Variants in BMP6 observed in about 807,000 individuals in gnomAD.
BMP6 encodes the protein bone morphogenetic protein 6.
Under a neutral mutation model 54.1 loss-of-function variants are expected in BMP6, and 17 were observed. The observed-to-expected ratio is 0.31, with a 90% CI of 0.22 to 0.47. The LOEUF (loss-of-function observed/expected upper bound fraction) is 0.47, where lower values mean the gene tolerates loss of function less well. BMP6 is among the 20% of genes least tolerant of loss of function. BMP6 has a pLI of 1.00. For missense variants in BMP6, 720 were observed against 690.4 expected, an observed-to-expected ratio of 1.04 and a Z score of -0.48; for synonymous variants, 328 against 291.2, an observed-to-expected ratio of 1.13 and a Z score of -1.28.
intron 1 of BMP6, among the ~76,000 whole-genome samples, chr6:7,761,599 A>C (rs1323025117): frequency 6.6e-6 from 1 of 152,200 alleles, no homozygotes; most frequent in East Asian, 1.9e-4. Context: ...AGACATGGCC[A>C]CTGACACAGC....
chr6:7,849,469 T>C (rs1258373986), intron 2 of BMP6, among the ~76,000 whole-genome samples: 1 of 152,184 alleles, frequency 6.6e-6, no homozygotes, highest in Non-Finnish European at 1.5e-5. Context: ...ACACCGGGAG[T>C]ATAGACTGCT....
chr6:7,875,319 C>G (rs542187901), intron 4 of BMP6, among the ~76,000 whole-genome samples: 1 of 152,324 alleles, frequency 6.6e-6, no homozygotes, highest in Admixed American at 6.5e-5. Context: ...GTCTATTTTA[C>G]TCAGTCTACT....
intron 1 of BMP6, among the ~76,000 whole-genome samples, chr6:7,748,387 C>T (rs1757375276): frequency 1.3e-5 from 2 of 152,142 alleles, no homozygotes; most frequent in Non-Finnish European, 2.9e-5. Flanking sequence ...CCATACCTGT[C>T]ATACTATTTC....
At chr6:7,874,315 G>A (rs1759572508) in intron 4 of BMP6, among the ~76,000 whole-genome samples, 2 of 152,192 alleles carry the variant, frequency 1.3e-5, no homozygotes, top group Non-Finnish European at 2.9e-5. Context: ...ACACATCACA[G>A]CCGCCACATG....
At chr6:7,792,114 T>A (rs1008023594) in intron 1 of BMP6, among the ~76,000 whole-genome samples, 1 of 152,098 alleles carries the variant, frequency 6.6e-6, no homozygotes, top group African/African-American at 2.4e-5. Context: ...CAATTCTGAA[T>A]CTGTAGGGCA....
At chr6:7,775,954 A>G (rs143038652) in intron 1 of BMP6, among the ~76,000 whole-genome samples, 1 of 152,378 alleles carries the variant, frequency 6.6e-6, no homozygotes, top group African/African-American at 2.4e-5. Flanking sequence ...TTACATTAGA[A>G]TGAAACAGCA....
At chr6:7,855,604 C>G (rs1315284344) in intron 2 of BMP6, among the ~76,000 whole-genome samples, 1 of 126,012 alleles carries the variant, frequency 7.9e-6, no homozygotes, top group African/African-American at 3.0e-5. Context: ...CTCTGTCGCT[C>G]AGGCTGGGGT....
chr6:7,862,397 T>C lies in BMP6; in HGVS notation c.1103T>C (p.Val368Ala), dbSNP rs1561794890. 3 of 1,614,068 alleles carry C rather than the reference T, an allele frequency of 1.9e-6. No individual in the cohort carries two copies. Among genetic ancestry groups the C allele is most frequent in the Non-Finnish European group, 1.7e-6 (2 of 1,179,996 alleles). ...GTGGCTTTCTTCAAAGTGAGTGAGG[T>C]GCACGTGCGCACCACCAGGTCAGCC... ...FMVAFFKVSE[V>A]HVRTTRSASS... Residue 368 changes from valine (V) to alanine (A), a missense_variant, in exon 4 of 7, where the codon GTG becomes GCG. By Grantham distance (64) the Val-to-Ala change is moderately conservative. Around this residue, in one of 3 missense-constraint regions of BMP6, gnomAD observed 650 missense variants for 556.3 expected, o/e 1.17. Coordinates refer to ENST00000283147, the MANE Select transcript of BMP6 (RefSeq NM_001718.6).
intron 1 of BMP6, among the ~76,000 whole-genome samples, chr6:7,813,522 A>G (rs2113214397): frequency 6.8e-6 from 1 of 146,768 alleles, no homozygotes; most frequent in East Asian, 2.0e-4. Context: ...ATGTGCCTGT[A>G]GTCTCAGCTA....
In BMP6 at chr6:7,880,394, C is replaced by T. The variant is rs755385917; in HGVS notation, c.*51C>T. ...CATTCTGCCTTGGATTCCTAGATTA[C>T]ATCTGCCTTAAAAAAACACGGAAGC... On this transcript the variant is annotated 3_prime_UTR_variant, in exon 7 of 7. Transcript: ENST00000283147. 3 of 1,605,984 alleles carry T rather than the reference C, an allele frequency of 1.9e-6. No homozygotes were observed. The highest frequency in any genetic ancestry group is 1.3e-5 in the African/African-American group (1 of 74,706).
intron 1 of BMP6, among the ~76,000 whole-genome samples, chr6:7,761,139 C>T (rs552867935): frequency 7.9e-5 from 12 of 152,230 alleles, no homozygotes; most frequent in Non-Finnish European, 1.5e-4. Context: ...TTTTCTATGT[C>T]ACATTTCTCC....
At chr6:7,819,449 T>C (rs1428942403) in intron 1 of BMP6, among the ~76,000 whole-genome samples, 1 of 152,206 alleles carries the variant, frequency 6.6e-6, no homozygotes, top group East Asian at 1.9e-4. Context: ...AACAGTATTT[T>C]TTTTTACTAT....
intron 1 of BMP6, among the ~76,000 whole-genome samples, chr6:7,842,469 G>T (rs1300239670): frequency 6.6e-6 from 1 of 151,910 alleles, no homozygotes; most frequent in African/African-American, 2.4e-5. Flanking sequence ...CTCACAACAT[G>T]GAAGTTTCAG....
At chr6:7,760,604 A>G (rs559147105) in intron 1 of BMP6, among the ~76,000 whole-genome samples, 1 of 152,204 alleles carries the variant, frequency 6.6e-6, no homozygotes, top group South Asian at 2.1e-4. Context: ...AGTAGCTGGG[A>G]TTACAGACGC....
intron 4 of BMP6, among the ~76,000 whole-genome samples, chr6:7,874,958 A>G (rs1759585851): frequency 6.6e-6 from 1 of 152,086 alleles, no homozygotes; most frequent in Non-Finnish European, 1.5e-5. Flanking sequence ...GAGATTTATT[A>G]TGGGAATTGA....
chr6:7,736,463 T>C (rs1761956396), intron 1 of BMP6, among the ~76,000 whole-genome samples: 1 of 152,222 alleles, frequency 6.6e-6, no homozygotes, highest in South Asian at 2.1e-4. Context: ...TGACAAAATA[T>C]CGTACTGGCC....
chr6:7,834,588 A>T (rs1758844788), intron 1 of BMP6, among the ~76,000 whole-genome samples: 1 of 151,980 alleles, frequency 6.6e-6, no homozygotes, highest in South Asian at 2.1e-4. Flanking sequence ...GGTGACATGT[A>T]GTCCTAGCTA....
chr6:7,790,507 CCT>C (rs1022513048), intron 1 of BMP6, among the ~76,000 whole-genome samples: 1 of 115,700 alleles, frequency 8.6e-6, no homozygotes, highest in Non-Finnish European at 1.7e-5. Flanking sequence ...ACAGTGAGAC[CCT>C]GTCTCAAAAA....
At chr6:7,735,944 A>G (rs1443999017) in intron 1 of BMP6, among the ~76,000 whole-genome samples, 1 of 152,230 alleles carries the variant, frequency 6.6e-6, no homozygotes, top group African/African-American at 2.4e-5. Context: ...GAAAGTATAA[A>G]AATTCAAAAT....
Sources: gnomAD v4.1 joint callset for allele counts (sites outside exome capture counted in the v4.1 genomes callset) on GRCh38, gnomAD v4.1.1 for gene constraint, gnomAD v4.1.1 regional missense constraint, MANE v1.5 for transcripts, NCBI Gene and HGNC (gene_info 2026-07-23, HGNC 2026-07-21) for gene names.